The following AMBRA1 variants were observed in gnomAD, a reference collection of about 807,000 sequenced individuals.
AMBRA1 encodes activating molecule in BECN1-regulated autophagy protein 1.
A neutral mutation model predicts 125.4 loss-of-function variants in AMBRA1; 47 were observed. The observed-to-expected ratio is 0.37, with a 90% CI of 0.30 to 0.48. The LOEUF (loss-of-function observed/expected upper bound fraction) is 0.48, where lower values mean the gene tolerates loss of function less well. Ranked by LOEUF, AMBRA1 falls within the 20% of genes least tolerant of loss-of-function variation. The probability of loss-of-function intolerance (pLI) is 0.99; values close to 1 mark genes in which losing one functional copy is unlikely to be tolerated. For missense variants in AMBRA1, 1,331 were observed against 1,693.4 expected (o/e 0.79, Z 3.76); for synonymous variants, 626 against 655.5 (o/e 0.95, Z 0.69).
At chr11:46,547,454 T>C in intron 3 of AMBRA1, 158 bp from the exon 4 acceptor site, 3 of 661,782 alleles carry the variant, frequency 4.5e-6, no homozygotes, top group Non-Finnish European at 7.4e-6. Context: ...AACAGAAATA[T>C]TCTGATCTTT....
intron 11 of AMBRA1, among the ~76,000 whole-genome samples, chr11:46,470,675 T>C (rs971164790): frequency 5.3e-5 from 8 of 150,786 alleles, no homozygotes; most frequent in African/African-American, 1.5e-4. Flanking sequence ...AGTGAGAGGA[T>C]TGCTTGAGCC....
At position 46,434,877 on chromosome 11, in the gene AMBRA1, C is replaced by T. The variant is rs767589027; in HGVS notation, c.2793G>A (p.Leu931=). The change falls in exon 13 of 18, where the codon CTG becomes CTA. Residue 931 remains leucine (L), a synonymous_variant. Coordinates refer to ENST00000683756, the MANE Select transcript of AMBRA1 (RefSeq NM_001387011.1). ...ATCGCTTGGTGTAGAGCATTTCGCCCAGGTTATGGGGGGCCAGGGAGTACA... is the reference window on the plus strand; with the variant it reads ...ATCGCTTGGTGTAGAGCATTTCGCCTAGGTTATGGGGGGCCAGGGAGTACA... ...LAVYSLAPHN[L]GEMLYTKRFG... is the part of the protein sequence containing the mutation. The T allele has an allele frequency of 6.2e-7, 1 of 1,611,422 alleles. No homozygotes were observed. Among genetic ancestry groups the T allele is most frequent in the South Asian group, 1.1e-5 (1 of 90,662 alleles).
At chr11:46,478,716 G>A (rs1183789805) in intron 11 of AMBRA1, among the ~76,000 whole-genome samples, 1 of 136,004 alleles carries the variant, frequency 7.4e-6, no homozygotes, top group Non-Finnish European at 1.5e-5. Flanking sequence ...GTGCAATGGC[G>A]CAATCTCGGC....
intron 11 of AMBRA1, among the ~76,000 whole-genome samples, chr11:46,482,608 C>T (rs1165497182): frequency 6.6e-6 from 1 of 152,186 alleles, no homozygotes; most frequent in Non-Finnish European, 1.5e-5. Context: ...GACTTCTACC[C>T]TTTACCTCCT....
intron 17 of AMBRA1, among the ~76,000 whole-genome samples, chr11:46,398,527 C>G (rs1254370474): frequency 6.6e-6 from 1 of 152,196 alleles, no homozygotes; most frequent in Admixed American, 6.5e-5. Context: ...CTCTTTCACC[C>G]AGGCTGGAGT....
At chr11:46,515,442 C>T (rs1370618371) in intron 7 of AMBRA1, among the ~76,000 whole-genome samples, 1 of 152,080 alleles carries the variant, frequency 6.6e-6, no homozygotes, top group Admixed American at 6.6e-5. Flanking sequence ...TACTGCACTC[C>T]AGACTGGGTG....
Position 46,400,473 on chromosome 11 carries a change from G to GTTTTTTTTTTTTTTTTT in AMBRA1, c.3404-2547_3404-2531dup, listed in dbSNP as rs553040136. Among the ~76,000 whole-genome samples the GTTTTTTTTTTTTTTTTT allele has an allele frequency of 4.1e-4, 20 of 48,888 alleles. 6 individuals are homozygous for GTTTTTTTTTTTTTTTTT. The highest frequency in any genetic ancestry group is 5.8e-4 in the African/African-American group (9 of 15,488). 32.1% of individuals were successfully genotyped at this position (48,888 alleles called of 152,430 possible). A position where few individuals can be genotyped will look rare whatever the true frequency, so the allele number is the denominator to read the frequency against. Reference sequence around the variant, plus strand: ...CCTCATGCTTCTAGTTCTTTCTATAGTTTTTTTTTTTTTTTTTTTTTTTTT... The same window carrying GTTTTTTTTTTTTTTTTT: ...CCTCATGCTTCTAGTTCTTTCTATAGTTTTTTTTTTTTTTTTTTTTTTTTTTTTTTTTTTTTTTTTTT... On this transcript the variant is annotated intron_variant, in intron 17 of 17. Transcript: ENST00000683756.
chr11:46,524,772 T>C (rs1485591688), intron 7 of AMBRA1, among the ~76,000 whole-genome samples: 1 of 152,196 alleles, frequency 6.6e-6, no homozygotes, highest in Non-Finnish European at 1.5e-5. Context: ...TCCACTCAAG[T>C]CACTATGCCT....
intron 17 of AMBRA1, among the ~76,000 whole-genome samples, chr11:46,407,440 A>G (rs974706349): frequency 6.6e-6 from 1 of 152,134 alleles, no homozygotes; most frequent in African/African-American, 2.4e-5. Context: ...AGTCCACAGA[A>G]ACCTGCAAAA....
At chr11:46,469,157 G>T (rs779600245) in intron 11 of AMBRA1, among the ~76,000 whole-genome samples, 18 of 152,102 alleles carry the variant, frequency 1.2e-4, no homozygotes, top group Non-Finnish European at 2.4e-4. Flanking sequence ...AAAAGAAAAA[G>T]AAGATGTAAT....
intron 1 of AMBRA1, among the ~76,000 whole-genome samples, chr11:46,567,407 C>T (rs1410257844): frequency 1.3e-5 from 2 of 151,236 alleles, no homozygotes; most frequent in Admixed American, 1.3e-4. Flanking sequence ...TGCTCTGTCT[C>T]CCAGGTGGGA....
At chr11:46,498,174 G>A (rs909030257) in intron 9 of AMBRA1, among the ~76,000 whole-genome samples, 2 of 152,182 alleles carry the variant, frequency 1.3e-5, no homozygotes, top group African/African-American at 4.8e-5. Flanking sequence ...GACCCAGACA[G>A]TTTAGGAACA....
At chr11:46,530,788 A>G (rs1952178021) in intron 7 of AMBRA1, among the ~76,000 whole-genome samples, 1 of 152,238 alleles carries the variant, frequency 6.6e-6, no homozygotes, top group African/African-American at 2.4e-5. Context: ...TGATTGAAAA[A>G]CATCAAAAGC....
intron 1 of AMBRA1, among the ~76,000 whole-genome samples, chr11:46,571,013 G>C (rs2043738483): frequency 6.6e-6 from 1 of 152,126 alleles, no homozygotes; most frequent in Non-Finnish European, 1.5e-5. Context: ...CTGAAATGTG[G>C]CAAGTGTTAC....
intron 2 of AMBRA1, 90 bp downstream of exon 2, chr11:46,548,156 T>C: frequency 1.3e-6 from 2 of 1,552,410 alleles, no homozygotes; most frequent in African/African-American, 1.4e-5. Context: ...AAGATAAATA[T>C]ATCCCAACTC....
At chr11:46,421,735 C>T (rs1946858598) in intron 14 of AMBRA1, among the ~76,000 whole-genome samples, 2 of 152,236 alleles carry the variant, frequency 1.3e-5, no homozygotes, top group Admixed American at 1.3e-4. Context: ...GAGAGACTAT[C>T]TGGACAAGTT....
chr11:46,429,123 C>T, intron 14 of AMBRA1: 1 of 1,600,890 alleles, frequency 6.2e-7, no homozygotes, highest in Non-Finnish European at 8.5e-7. Flanking sequence ...TCATAAATGG[C>T]AATCCGGTTC....
At chr11:46,429,129 G>A (rs1259235138) in intron 14 of AMBRA1, 21 of 1,597,788 alleles carry the variant, frequency 1.3e-5, no homozygotes, top group Middle Eastern at 2.2e-4. Context: ...ATGGCAATCC[G>A]GTTCTTCTTA....
chr11:46,509,667 A>C (rs999916811), intron 8 of AMBRA1, among the ~76,000 whole-genome samples: 1 of 152,162 alleles, frequency 6.6e-6, no homozygotes, highest in Non-Finnish European at 1.5e-5. Context: ...CTAAAATAAA[A>C]TCTTAAGTGG....
Sources: allele counts gnomAD v4.1 joint callset (sites outside exome capture counted in the v4.1 genomes callset), GRCh38; gene constraint gnomAD v4.1.1; transcripts MANE v1.5; gene names NCBI Gene and HGNC (gene_info 2026-07-23, HGNC 2026-07-21).